MAST4: variants seen among roughly 807,000 people sequenced by gnomAD.
The protein encoded by MAST4 is microtubule-associated serine/threonine-protein kinase 4.
In MAST4, 89 loss-of-function variants were observed where a neutral mutation model predicts 162.7. The observed-to-expected ratio is 0.55, with a 90% CI of 0.46 to 0.65. The LOEUF is 0.65. Among genes scored for constraint, MAST4 ranks in the 30% least tolerant of loss-of-function variants. MAST4 has a pLI of 0.00. For synonymous variants in MAST4, 1,479 were observed against 1,361.1 expected (o/e 1.09, Z -1.91); for missense variants, 3,153 against 3,374.0 (o/e 0.93, Z 1.62).
rs575092685 is a variant in MAST4, at chr5:66,695,731, G to A, written c.364-63978G>A. 1.4e-4 allele frequency among the ~76,000 whole-genome samples: 21 copies of A among 152,258 alleles called. No individual in the cohort carries two copies. The South Asian group carries it at 3.9e-3, about 29-fold the overall frequency. The stretch of plus-strand genomic sequence containing the variant: ...ATGCTGGCAAGGCTGTGGAGAAATA[G>A]GAACACTTTTACATCGTTGGTAGGT... On this transcript the variant is annotated intron_variant, in intron 1 of 28. Transcript: ENST00000403625.
At chr5:66,948,182 A>G (rs538145660) in intron 4 of MAST4, among the ~76,000 whole-genome samples, 56 of 152,142 alleles carry the variant, frequency 3.7e-4, no homozygotes, top group Non-Finnish European at 7.9e-4. Flanking sequence ...AGAAAAGGAA[A>G]GGCAAGACGA....
chr5:66,601,257 A>G (rs1056384482), intron 1 of MAST4, among the ~76,000 whole-genome samples: 1 of 152,218 alleles, frequency 6.6e-6, no homozygotes, highest in African/African-American at 2.4e-5. Context: ...TGGCATATTT[A>G]TTATTTAGTC....
intron 3 of MAST4, among the ~76,000 whole-genome samples, chr5:66,874,910 C>T (rs1486954404): frequency 6.6e-6 from 1 of 152,062 alleles, no homozygotes; most frequent in Non-Finnish European, 1.5e-5. Context: ...ACCTTAGAAA[C>T]CCACTGTTCA....
At chr5:66,736,103 C>T (rs1253777304) in intron 1 of MAST4, among the ~76,000 whole-genome samples, 2 of 152,142 alleles carry the variant, frequency 1.3e-5, no homozygotes, top group African/African-American at 2.4e-5. Context: ...CATGGCAGAC[C>T]CTAGCACCAT....
intron 3 of MAST4, among the ~76,000 whole-genome samples, chr5:66,873,912 G>A (rs1041099658): frequency 3.3e-5 from 5 of 152,116 alleles, no homozygotes; most frequent in African/African-American, 4.8e-5. Flanking sequence ...ATTTTTAAAA[G>A]AGAAATTACT....
intron 1 of MAST4, among the ~76,000 whole-genome samples, chr5:66,740,320 T>G (rs1475544653): frequency 6.6e-6 from 1 of 152,242 alleles, no homozygotes; most frequent in African/African-American, 2.4e-5. Context: ...GGCTGATGAT[T>G]GATCTTGAGG....
rs545921585 is a variant in MAST4, at chr5:66,812,280, G to A, written c.642+23486G>A. 2.4e-4 allele frequency among the ~76,000 whole-genome samples: 36 copies of A among 152,238 alleles called. No homozygotes were observed. In the South Asian group the frequency reaches 4.6e-3, roughly 19 times the overall value. On this transcript the variant is annotated intron_variant, in intron 3 of 28. Coordinates refer to ENST00000403625, the MANE Select transcript of MAST4 (RefSeq NM_001164664.2). ...ATTCTGCTGCTGAATTATTTTTATC[G>A]ATTTAGGGATTGTGAAAATGGCCTT... is the stretch of plus-strand genomic sequence containing the variant.
At chr5:66,912,615 A>G (rs748675224) in intron 4 of MAST4, among the ~76,000 whole-genome samples, 15 of 152,230 alleles carry the variant, frequency 9.9e-5, no homozygotes, top group Admixed American at 3.3e-4. Flanking sequence ...CAATATGTAT[A>G]TAGATGTAGT....
At chr5:66,804,694 C>G (rs986428564) in intron 3 of MAST4, among the ~76,000 whole-genome samples, 1 of 151,998 alleles carries the variant, frequency 6.6e-6, no homozygotes, top group Non-Finnish European at 1.5e-5. Context: ...TTTTTTTTCT[C>G]ATCTCTGGAA....
At chr5:66,978,969 G>A (rs1391580255) in intron 4 of MAST4, among the ~76,000 whole-genome samples, 2 of 152,126 alleles carry the variant, frequency 1.3e-5, no homozygotes, top group African/African-American at 2.4e-5. Flanking sequence ...ATGATGAAGA[G>A]CTGAAGAAAG....
intron 19 of MAST4, among the ~76,000 whole-genome samples, chr5:67,138,345 TTC>T (rs768788928): frequency 7.9e-5 from 12 of 152,226 alleles, no homozygotes; most frequent in Non-Finnish European, 1.2e-4. Context: ...TGATTTTTTA[TTC>T]TGTTATGAAT....
intron 14 of MAST4, among the ~76,000 whole-genome samples, chr5:67,128,404 T>C (rs1677494785): frequency 6.6e-6 from 1 of 151,724 alleles, no homozygotes; most frequent in Non-Finnish European, 1.5e-5. Context: ...TTATAGGAGG[T>C]ATGGTTAAGA....
At chr5:67,129,510 AG>A (rs1768677794) in intron 14 of MAST4, among the ~76,000 whole-genome samples, 1 of 152,120 alleles carries the variant, frequency 6.6e-6, no homozygotes, top group Non-Finnish European at 1.5e-5. Context: ...ACTTGAGGTC[AG>A]GAGTTCGAGA....
intron 5 of MAST4, among the ~76,000 whole-genome samples, chr5:67,069,204 A>G (rs1182404137): frequency 6.6e-6 from 1 of 150,414 alleles, no homozygotes; most frequent in African/African-American, 2.5e-5. Context: ...AAGTTTTATC[A>G]TGGTCTGCTA....
chr5:66,616,907 T>C (rs1337502638), intron 1 of MAST4, among the ~76,000 whole-genome samples: 1 of 152,224 alleles, frequency 6.6e-6, no homozygotes, highest in Admixed American at 6.5e-5. Flanking sequence ...AATTGGTTGC[T>C]GAATTGCAGT....
In MAST4 at chr5:67,082,028, AGATACTT is replaced by A. The variant is rs147911477; in HGVS notation, c.764-8133_764-8127del. 5.8e-3 allele frequency among the ~76,000 whole-genome samples: 888 copies of A among 152,334 alleles called. 9 individuals carry two copies. Among genetic ancestry groups the A allele is most frequent in the African/African-American group, 0.021 (859 of 41,576 alleles). On this transcript the variant is annotated intron_variant, in intron 5 of 28. Transcript: ENST00000403625. ...ACCTCTGGATATGTTACACTGAGAAAGATACTTCATCACTTACATGATATTGCTCCCC... is the reference window on the plus strand; with the variant it reads ...ACCTCTGGATATGTTACACTGAGAAACATCACTTACATGATATTGCTCCCC...
At chr5:66,618,120 C>T (rs1743834456) in intron 1 of MAST4, among the ~76,000 whole-genome samples, 2 of 152,174 alleles carry the variant, frequency 1.3e-5, no homozygotes, top group Non-Finnish European at 2.9e-5. Context: ...GAGCACCGGC[C>T]TCCCGCCCGT....
At chr5:66,962,310 G>A (rs1360752870) in intron 4 of MAST4, among the ~76,000 whole-genome samples, 1 of 152,216 alleles carries the variant, frequency 6.6e-6, no homozygotes, top group African/African-American at 2.4e-5. Context: ...CAGGCACGGT[G>A]GTGCATGCCC....
At chr5:66,918,188 G>A (rs1290060814) in intron 4 of MAST4, among the ~76,000 whole-genome samples, 4 of 152,076 alleles carry the variant, frequency 2.6e-5, no homozygotes, top group African/African-American at 7.2e-5. Context: ...TTATATTATT[G>A]CATTAAAGCT....
Sources: gnomAD v4.1 joint callset for allele counts (sites outside exome capture counted in the v4.1 genomes callset) on GRCh38, gnomAD v4.1.1 for gene constraint, MANE v1.5 for transcripts, NCBI Gene and HGNC (gene_info 2026-07-23, HGNC 2026-07-21) for gene names.